BBS9: variants seen among roughly 807,000 people sequenced by gnomAD.
BBS9 encodes the protein protein PTHB1.
Under a neutral mutation model 117.7 loss-of-function variants are expected in BBS9, and 89 were observed. The observed-to-expected ratio is 0.76, with a 90% CI of 0.64 to 0.90. BBS9 has a LOEUF of 0.90. Among genes scored for constraint, BBS9 ranks in the 40% least tolerant of loss-of-function variants. The probability of loss-of-function intolerance (pLI) is 0.00; values close to 1 mark genes in which losing one functional copy is unlikely to be tolerated. For missense variants in BBS9, 982 were observed against 1,042.2 expected, an observed-to-expected ratio of 0.94 and a Z score of 0.80; for synonymous variants, 379 against 370.9, an observed-to-expected ratio of 1.02 and a Z score of -0.25.
At chr7:33,156,191 C>T (rs1389070956) in intron 4 of BBS9, among the ~76,000 whole-genome samples, 4 of 152,114 alleles carry the variant, frequency 2.6e-5, no homozygotes, top group Admixed American at 6.6e-5. Flanking sequence ...TGACATGGTT[C>T]TGTGGGTACA....
At chr7:33,452,685 C>A (rs1203190462) in intron 19 of BBS9, among the ~76,000 whole-genome samples, 2 of 151,988 alleles carry the variant, frequency 1.3e-5, no homozygotes, top group Non-Finnish European at 2.9e-5. Context: ...AGTGGATTTC[C>A]AAAATTACAG....
At chr7:33,500,234 G>A (rs1384805384) in intron 19 of BBS9, among the ~76,000 whole-genome samples, 1 of 152,182 alleles carries the variant, frequency 6.6e-6, no homozygotes, top group Non-Finnish European at 1.5e-5. Context: ...TATCGTGGAT[G>A]TAATGTATTA....
intron 21 of BBS9, among the ~76,000 whole-genome samples, chr7:33,601,191 G>A (rs751375615): frequency 6.6e-6 from 1 of 152,160 alleles, no homozygotes; most frequent in East Asian, 1.9e-4. Flanking sequence ...GCACACAGTA[G>A]GTCCATGGGA....
intron 19 of BBS9, among the ~76,000 whole-genome samples, chr7:33,415,632 G>A (rs191591577): frequency 8.6e-4 from 131 of 152,184 alleles, no homozygotes; most frequent in Middle Eastern, 3.4e-3. Context: ...GTTTAGAAGG[G>A]GCTTTGAGGC....
At position 33,193,421 on chromosome 7, in the gene BBS9, C is replaced by CGTTTTT. The variant is rs1562773513; in HGVS notation, c.442+15830_442+15831insGTTTTT. Among the ~76,000 whole-genome samples, 6 of 67,794 alleles carry CGTTTTT rather than the reference C, an allele frequency of 8.9e-5. 1 individual carries two copies. Among genetic ancestry groups the CGTTTTT allele is most frequent in the Non-Finnish European group, 6.6e-5 (2 of 30,418 alleles). The allele number at this position is 67,794 out of a possible 152,430, so 44.5% of individuals were successfully genotyped here. A position where few individuals can be genotyped will look rare whatever the true frequency, so the allele number is the denominator to read the frequency against. On this transcript the variant is annotated intron_variant, in intron 5 of 22. Coordinates refer to ENST00000242067, the MANE Select transcript of BBS9 (RefSeq NM_198428.3). The stretch of plus-strand genomic sequence containing the variant: ...TTGTCTTCCCCTGTCCCTCTCTCTG[C>CGTTTTT]CTTTTTTTTTTTTTTTTTTTGTAGT...
At chr7:33,158,572 T>C (rs909324085) in intron 4 of BBS9, among the ~76,000 whole-genome samples, 4 of 152,200 alleles carry the variant, frequency 2.6e-5, no homozygotes, top group Admixed American at 6.5e-5. Context: ...AAAGTGCTAT[T>C]ACCTGACATT....
At chr7:33,233,736 A>G (rs1583782914) in intron 5 of BBS9, among the ~76,000 whole-genome samples, 1 of 152,248 alleles carries the variant, frequency 6.6e-6, no homozygotes, top group East Asian at 1.9e-4. Context: ...ATGTCTTTTG[A>G]TAAAGGCTTT....
chr7:33,200,184 C>T (rs1371243398), intron 5 of BBS9, among the ~76,000 whole-genome samples: 1 of 152,086 alleles, frequency 6.6e-6, no homozygotes, highest in Non-Finnish European at 1.5e-5. Context: ...ATTTCTGTTG[C>T]TGGTCACCTG....
chr7:33,418,332 A>G (rs928318801), intron 19 of BBS9, among the ~76,000 whole-genome samples: 3 of 152,170 alleles, frequency 2.0e-5, no homozygotes, highest in Non-Finnish European at 2.9e-5. Flanking sequence ...GGTCAGCGGA[A>G]GATTGATGAT....
At chr7:33,604,140 T>C (rs1413467155) in intron 21 of BBS9, among the ~76,000 whole-genome samples, 1 of 152,180 alleles carries the variant, frequency 6.6e-6, no homozygotes, top group Non-Finnish European at 1.5e-5. Flanking sequence ...TTCCAGGAAA[T>C]GATGGCAAAT....
chr7:33,273,142 G>T lies in BBS9; in HGVS notation c.833G>T (p.Arg278Leu), dbSNP rs754343745. 2 of 1,613,646 alleles carry T rather than the reference G, an allele frequency of 1.2e-6. No homozygotes were observed. The highest frequency in any genetic ancestry group is 1.7e-6 in the Non-Finnish European group (2 of 1,179,760). ...FFCLKDNGQIRFMKKLDWSPS... is the reference protein window; with the variant it reads ...FFCLKDNGQILFMKKLDWSPS... ...TGCCTTAAGGATAATGGACAAATTC[G>T]ATTCATGAAGAAGCTTGATTGGAGC... is the stretch of plus-strand genomic sequence containing the variant. The change falls in exon 8 of 23, where the codon CGA (arginine) becomes CTA (leucine). Residue 278 changes from arginine to leucine, a missense_variant. By Grantham distance (102) the Arg-to-Leu change is moderately radical (BLOSUM62 -2). Transcript: ENST00000242067.
intron 9 of BBS9, among the ~76,000 whole-genome samples, chr7:33,331,972 C>T (rs1584363402): frequency 6.6e-6 from 1 of 152,068 alleles, no homozygotes; most frequent in East Asian, 1.9e-4. Flanking sequence ...CTTATGGAAC[C>T]AAAAAAGAGC....
upstream of BBS9, chr7:33,129,327 T>A: frequency 2.8e-5 from 15 of 541,368 alleles, no homozygotes; most frequent in Non-Finnish European, 4.6e-5. Context: ...AGGAGGAGGG[T>A]CTTCCTTAAG....
rs146014295 is a variant in BBS9, at chr7:33,619,608, C to T, written c.2522-15569C>T. ...ACCCAGGATAGATCATATGTTAGGT[C>T]ACAAAACAAGTCCTAACAAATCCAA... On this transcript the variant is annotated intron_variant, in intron 21 of 21. Transcript: ENST00000671952. Among the ~76,000 whole-genome samples, 1,001 of 152,216 alleles carry T rather than the reference C, an allele frequency of 6.6e-3. 7 individuals are homozygous for T. Among genetic ancestry groups the T allele is most frequent in the Middle Eastern group, 0.02 (6 of 294 alleles).
rs1014797045 is a variant in BBS9 at position 33,311,185 on chromosome 7, C to T, written c.1017-25256C>T. On this transcript the variant is annotated intron_variant, in intron 9 of 22. Transcript: ENST00000242067. ...GTGCCAAAGGGGCATGGAAGATGAC[C>T]ACTTCAGATAAGTGGAAGAGGGCCA... Among the ~76,000 whole-genome samples the T allele has an allele frequency of 7.2e-5, 11 of 152,058 alleles. No individual in the cohort carries two copies. The South Asian group carries it at 2.3e-3, about 32-fold the overall frequency.
At chr7:33,319,320 T>G (rs1249348451) in intron 9 of BBS9, among the ~76,000 whole-genome samples, 1 of 152,246 alleles carries the variant, frequency 6.6e-6, no homozygotes, top group South Asian at 2.1e-4. Context: ...GCTGGTTCCA[T>G]ATTTTTGTAA....
chr7:33,385,495 G>T (rs1320749944), intron 18 of BBS9, among the ~76,000 whole-genome samples: 2 of 152,178 alleles, frequency 1.3e-5, no homozygotes, highest in Non-Finnish European at 2.9e-5. Context: ...CTGGACCAGG[G>T]TTTGGCTCTG....
At chr7:33,404,909 C>G (rs1459125645) in intron 19 of BBS9, among the ~76,000 whole-genome samples, 1 of 152,086 alleles carries the variant, frequency 6.6e-6, no homozygotes, top group Non-Finnish European at 1.5e-5. Context: ...GAGAGGGCAT[C>G]CCTGTCTTGT....
intron 20 of BBS9, 194 bp downstream of exon 20, chr7:33,505,839 G>A: frequency 1.6e-6 from 1 of 620,624 alleles, no homozygotes. Context: ...GCTATTTTAA[G>A]AATAGGTATA....
Sources: gnomAD v4.1 joint callset for allele counts (sites outside exome capture counted in the v4.1 genomes callset) on GRCh38, gnomAD v4.1.1 for gene constraint, MANE v1.5 for transcripts, NCBI Gene and HGNC (gene_info 2026-07-23, HGNC 2026-07-21) for gene names.